NLGN4Y: variants seen among roughly 807,000 people sequenced by gnomAD.
The protein encoded by NLGN4Y is neuroligin 4 Y-linked, also known as neuroligin-4, Y-linked.
Under a neutral mutation model 8.4 loss-of-function variants are expected in NLGN4Y, and 4 were observed. That is an observed-to-expected ratio of 0.48 (90% confidence interval 0.23 to 1.09). The LOEUF is 1.09. Among genes scored for constraint, NLGN4Y ranks in the 50% least tolerant of loss-of-function variants. The pLI is 0.19. For synonymous variants in NLGN4Y, 35 were observed against 75.6 expected, an observed-to-expected ratio of 0.46 and a Z score of 2.78; for missense variants, 90 against 192.3, an observed-to-expected ratio of 0.47 and a Z score of 3.15.
rs2080329469 is a variant in NLGN4Y, at chrY:14,584,114, A to AT, written c.-111-37894dup. Reference sequence around the variant, plus strand: ...AGCTATGCAAGACCTCTTGTTGGAGATATGTGACATTCATTCATTTATTTA... The same window carrying AT: ...AGCTATGCAAGACCTCTTGTTGGAGATTATGTGACATTCATTCATTTATTTA... On this transcript the variant is annotated intron_variant, in intron 1 of 6. Coordinates refer to ENST00000684976, the MANE Select transcript of NLGN4Y (RefSeq NM_001365588.1). Among the ~76,000 whole-genome samples, 4 of 32,794 alleles carry AT rather than the reference A, an allele frequency of 1.2e-4. No individual in the cohort carries two copies. In the East Asian group the frequency reaches 3.3e-3, roughly 27 times the overall value. 88.0% of individuals were successfully genotyped at this position (32,794 alleles called of 37,273 possible).
chrY:14,558,977 T>G (rs2080218241), intron 1 of NLGN4Y, among the ~76,000 whole-genome samples: 1 of 33,196 alleles, frequency 3.0e-5, no homozygotes, highest in East Asian at 8.0e-4. Flanking sequence ...ATAGACAGAT[T>G]CAGAGGTTTT....
chrY:14,631,091 A>T, intron 2 of NLGN4Y, among the ~76,000 whole-genome samples: 1 of 32,459 alleles, frequency 3.1e-5, no homozygotes, highest in Non-Finnish European at 7.5e-5. Flanking sequence ...TTCAAGAAGG[A>T]GTTTTGCTCT....
At chrY:14,840,366 C>T in intron 6 of NLGN4Y, 47 bp from the exon 7 acceptor site, 1 of 386,345 alleles carries the variant, frequency 2.6e-6, no homozygotes, top group Non-Finnish European at 3.7e-6. Context: ...TTTCATATCA[C>T]ATGTGGAAGA....
intron 6 of NLGN4Y, among the ~76,000 whole-genome samples, 159 bp downstream of exon 6, chrY:14,830,678 TCCC>T (rs2043176244): frequency 3.0e-5 from 1 of 33,294 alleles, no homozygotes; most frequent in Non-Finnish European, 7.4e-5. Context: ...AGGCAGCTTC[TCCC>T]CCATCATCTG....
chrY:14,779,269 C>T (rs2081138729), intron 4 of NLGN4Y, among the ~76,000 whole-genome samples: 1 of 32,798 alleles, frequency 3.0e-5, no homozygotes, highest in Non-Finnish European at 7.4e-5. Context: ...TTTTGGATAG[C>T]GACTGAGATA....
intron 4 of NLGN4Y, among the ~76,000 whole-genome samples, chrY:14,821,489 T>A (rs2043122353): frequency 3.0e-5 from 1 of 33,783 alleles, no homozygotes; most frequent in Non-Finnish European, 7.3e-5. Context: ...AGAGTGCAGA[T>A]TTGTGCATTT....
rs753527656 is a variant in NLGN4Y, at chrY:14,584,682, C to T, written c.-111-37327C>T. 4.8e-4 allele frequency among the ~76,000 whole-genome samples: 16 copies of T among 33,310 alleles called. No individual in the cohort carries two copies. The East Asian group carries it at 0.011, about 23-fold the overall frequency. 89.4% of individuals were successfully genotyped at this position (33,310 alleles called of 37,273 possible). On this transcript the variant is annotated intron_variant, in intron 1 of 6. Coordinates refer to ENST00000684976, the MANE Select transcript of NLGN4Y (RefSeq NM_001365588.1). Reference sequence around the variant, plus strand: ...ACGTTGCATGGGTGAGTGTGTGTGACGGATGCCTCTGGCAGTTTGGTGGAA... The same window carrying T: ...ACGTTGCATGGGTGAGTGTGTGTGATGGATGCCTCTGGCAGTTTGGTGGAA...
chrY:14,652,775 T>C (rs753001979), intron 2 of NLGN4Y, among the ~76,000 whole-genome samples: 264 of 33,084 alleles, frequency 8.0e-3, no homozygotes, highest in African/African-American at 0.028. Flanking sequence ...TCTTGACTTG[T>C]CTCCATGGCT....
chrY:14,786,978 C>A (rs2150578450), intron 4 of NLGN4Y, among the ~76,000 whole-genome samples: 1 of 28,985 alleles, frequency 3.5e-5, no homozygotes, highest in Non-Finnish European at 8.2e-5. Flanking sequence ...TTCTCCCCCA[C>A]CTTCTCCTCT....
chrY:14,632,280 T>C, intron 2 of NLGN4Y, among the ~76,000 whole-genome samples: 1 of 33,581 alleles, frequency 3.0e-5, no homozygotes, highest in Non-Finnish European at 7.4e-5. Context: ...TTTTAACAAA[T>C]GGGAATTTCA....
intron 1 of NLGN4Y, among the ~76,000 whole-genome samples, chrY:14,554,279 T>A: frequency 4.4e-5 from 1 of 22,721 alleles, no homozygotes; most frequent in Non-Finnish European, 9.6e-5. Context: ...CAATCATAGC[T>A]CACTGCAGCT....
At chrY:14,630,340 G>A in intron 2 of NLGN4Y, among the ~76,000 whole-genome samples, 2 of 32,540 alleles carry the variant, frequency 6.1e-5, no homozygotes, top group South Asian at 6.9e-4. Context: ...AGGCAGCAGC[G>A]TTTGGAAGCT....
chrY:14,810,402 G>A (rs753485206), intron 4 of NLGN4Y, among the ~76,000 whole-genome samples: 2 of 32,358 alleles, frequency 6.2e-5, no homozygotes, highest in Non-Finnish European at 1.5e-4. Flanking sequence ...GGTGGTGTGC[G>A]CCTATAATCC....
intron 1 of NLGN4Y, among the ~76,000 whole-genome samples, chrY:14,573,049 A>G (rs577893353): frequency 9.0e-5 from 3 of 33,336 alleles, no homozygotes; most frequent in Admixed American, 2.7e-4. Context: ...ATGTTGGTCT[A>G]AAATTCTCTT....
At chrY:14,690,626 G>T (rs533723703) in intron 2 of NLGN4Y, among the ~76,000 whole-genome samples, 724 of 32,210 alleles carry the variant, frequency 0.022, no homozygotes, top group Middle Eastern at 0.2. Flanking sequence ...TCTTATTTTG[G>T]TGTCTCAGCT....
chrY:14,812,680 A>G (rs2043086532), intron 4 of NLGN4Y, among the ~76,000 whole-genome samples: 1 of 32,739 alleles, frequency 3.1e-5, no homozygotes, highest in Non-Finnish European at 7.5e-5. Flanking sequence ...CTCATCTTTG[A>G]TATTATGCAT....
chrY:14,758,978 G>C (rs905314836), intron 4 of NLGN4Y, among the ~76,000 whole-genome samples: 1 of 33,639 alleles, frequency 3.0e-5, no homozygotes, highest in Non-Finnish European at 7.3e-5. Context: ...GATCTTCTCT[G>C]TTACTGCTAG....
intron 4 of NLGN4Y, among the ~76,000 whole-genome samples, chrY:14,743,209 A>G: frequency 3.0e-5 from 1 of 33,299 alleles, no homozygotes; most frequent in Non-Finnish European, 7.4e-5. Flanking sequence ...AGGGGTGAGG[A>G]TAGGCTGAGC....
intron 2 of NLGN4Y, among the ~76,000 whole-genome samples, chrY:14,645,769 TAC>T (rs2080609027): frequency 1.8e-4 from 6 of 33,522 alleles, no homozygotes; most frequent in African/African-American, 7.0e-4. Context: ...TGAATAAATA[TAC>T]ACAGTTATAC....
Sources: gnomAD v4.1 joint callset for allele counts (sites outside exome capture counted in the v4.1 genomes callset) on GRCh38, gnomAD v4.1.1 for gene constraint, MANE v1.5 for transcripts, NCBI Gene and HGNC (gene_info 2026-07-23, HGNC 2026-07-21) for gene names.